The following C1GALT1 variants were observed in gnomAD, a reference collection of about 807,000 sequenced individuals.
C1GALT1 encodes glycoprotein-N-acetylgalactosamine 3-beta-galactosyltransferase 1.
Under a neutral mutation model 31.0 loss-of-function variants are expected in C1GALT1, and 11 were observed. The ratio of observed to expected loss-of-function variants is 0.36; its 90% CI spans 0.22 to 0.59. C1GALT1 has a LOEUF of 0.59. C1GALT1 is among the 20% of genes least tolerant of loss of function. The pLI is 0.79. For missense variants in C1GALT1, 424 were observed against 425.2 expected, an observed-to-expected ratio of 1.00 and a Z score of 0.03; for synonymous variants, 175 against 143.6, an observed-to-expected ratio of 1.22 and a Z score of -1.56.
chr7:7,197,376 G>T (rs1781337891), intron 1 of C1GALT1, among the ~76,000 whole-genome samples: 1 of 152,174 alleles, frequency 6.6e-6, no homozygotes, highest in South Asian at 2.1e-4. Flanking sequence ...ATTACCGAGG[G>T]CTATATTCTG....
In C1GALT1 at chr7:7,238,928, T is replaced by A; in HGVS notation, c.888+6T>A. ...ACTATTATCCTCCTGTAGAGGTAAG[T>A]TTAGAAATTTTATTACTATGTCAAT... On this transcript the variant is annotated splice_donor_region_variant and intron_variant, in intron 3 of 3. Coordinates refer to ENST00000436587, the MANE Select transcript of C1GALT1 (RefSeq NM_020156.5). The surrounding 1 kb of genome is among the most constrained non-coding windows in gnomAD (Gnocchi z 5.2). 6.3e-7 allele frequency: 1 copy of A among 1,587,252 alleles called. No individual in the cohort carries two copies. The highest frequency in any genetic ancestry group is 8.6e-7 in the Non-Finnish European group (1 of 1,166,676).
chr7:7,195,538 A>G (rs980260166), intron 1 of C1GALT1, among the ~76,000 whole-genome samples: 2 of 152,130 alleles, frequency 1.3e-5, no homozygotes, highest in Admixed American at 6.5e-5. Context: ...GTGAGAGAGT[A>G]CTTGCTATAA....
chr7:7,227,589 G>A (rs200967434), intron 1 of C1GALT1, among the ~76,000 whole-genome samples: 2 of 151,384 alleles, frequency 1.3e-5, no homozygotes, highest in African/African-American at 2.4e-5. Flanking sequence ...GCGTAGTGGC[G>A]GGCGCCTGTA....
At chr7:7,221,997 A>G (rs1782531055) in intron 1 of C1GALT1, among the ~76,000 whole-genome samples, 1 of 152,204 alleles carries the variant, frequency 6.6e-6, no homozygotes, top group Non-Finnish European at 1.5e-5. Context: ...GGACTGAGCT[A>G]AAATTACCCT....
intron 1 of C1GALT1, among the ~76,000 whole-genome samples, chr7:7,219,059 G>C (rs1037833966): frequency 2.0e-5 from 3 of 151,910 alleles, no homozygotes; most frequent in African/African-American, 4.8e-5. Context: ...GGATGGTCTC[G>C]ATCTCCTGAC....
intron 1 of C1GALT1, among the ~76,000 whole-genome samples, chr7:7,224,096 A>G (rs1311665360): frequency 6.6e-6 from 1 of 152,202 alleles, no homozygotes; most frequent in Non-Finnish European, 1.5e-5. Flanking sequence ...ACATACTCAG[A>G]ATAAACTCTA....
intron 3 of C1GALT1, among the ~76,000 whole-genome samples, chr7:7,239,517 G>A (rs1398036858): frequency 6.6e-6 from 1 of 152,150 alleles, no homozygotes; most frequent in Non-Finnish European, 1.5e-5. Context: ...AACCTTGGAT[G>A]GACAGGAGCC....
At chr7:7,240,275 A>G (rs926466304) in intron 3 of C1GALT1, among the ~76,000 whole-genome samples, 2 of 152,144 alleles carry the variant, frequency 1.3e-5, no homozygotes, top group African/African-American at 4.8e-5. Flanking sequence ...CCTAAAATGC[A>G]CAGGACAGCC....
chr7:7,182,789 G>A lies in C1GALT1; in HGVS notation c.-49G>A, dbSNP rs978610515. ...AGTCGTCCCCCTCTCCGCCCCCCAGGAGGGGCGAGAGGGAGCCGCAGCTGA... is the reference window on the plus strand; with the variant it reads ...AGTCGTCCCCCTCTCCGCCCCCCAGAAGGGGCGAGAGGGAGCCGCAGCTGA... On this transcript the variant is annotated 5_prime_UTR_variant, in exon 1 of 4. Coordinates refer to ENST00000436587, the MANE Select transcript of C1GALT1 (RefSeq NM_020156.5). 9.1e-6 allele frequency: 9 copies of A among 985,374 alleles called. No homozygotes were observed. Among genetic ancestry groups the A allele is most frequent in the Non-Finnish European group, 1.1e-5 (9 of 830,022 alleles). 61.0% of individuals were successfully genotyped at this position (985,374 alleles called of 1,614,324 possible). A position where few individuals can be genotyped will look rare whatever the true frequency, so the allele number is the denominator to read the frequency against.
At chr7:7,234,186 T>C (rs1351261067) in intron 1 of C1GALT1, 117 bp from the exon 2 acceptor site, 1 of 727,740 alleles carries the variant, frequency 1.4e-6, no homozygotes, top group African/African-American at 1.8e-5. Context: ...TCATAGATAA[T>C]AGCTAAATAC....
In C1GALT1 at chr7:7,229,429, C is replaced by T. The variant is rs77441409; in HGVS notation, c.-17-4874C>T. Among the ~76,000 whole-genome samples the T allele has an allele frequency of 8.3e-3, 1,258 of 152,232 alleles. 19 individuals are homozygous for T. Among genetic ancestry groups the T allele is most frequent in the African/African-American group, 0.029 (1,204 of 41,532 alleles). On this transcript the variant is annotated intron_variant, in intron 1 of 3. Coordinates refer to ENST00000436587, the MANE Select transcript of C1GALT1 (RefSeq NM_020156.5). ...CTCCATAAGAAATTAAGAGTTAAAA[C>T]ATCTTTCATTTACTTCTCTTGGCTT... is the stretch of plus-strand genomic sequence containing the variant.
At position 7,182,652 on chromosome 7, in the gene C1GALT1, C is replaced by A. The variant is rs947980160; in HGVS notation, c.-186C>A. The stretch of plus-strand genomic sequence containing the variant: ...CGCGCGCTGGGCCCGCCTTGGCCGC[C>A]GCCGCTGTGCTGCCGCTGCCGGGGA... On this transcript the variant is annotated 5_prime_UTR_variant, in exon 1 of 4. Coordinates refer to ENST00000436587, the MANE Select transcript of C1GALT1 (RefSeq NM_020156.5). The A allele has an allele frequency of 9.4e-6, 3 of 317,562 alleles. No individual in the cohort carries two copies. The highest frequency in any genetic ancestry group is 1.4e-5 in the Non-Finnish European group (3 of 219,298). 19.7% of individuals were successfully genotyped at this position (317,562 alleles called of 1,614,324 possible). A position where few individuals can be genotyped will look rare whatever the true frequency, so the allele number is the denominator to read the frequency against.
intron 1 of C1GALT1, among the ~76,000 whole-genome samples, chr7:7,221,855 G>A (rs984685277): frequency 1.3e-5 from 2 of 152,140 alleles, no homozygotes; most frequent in Admixed American, 6.6e-5. Flanking sequence ...CCATGCCAGA[G>A]CCTGTTTTGC....
chr7:7,203,055 T>C (rs75259433), intron 1 of C1GALT1, among the ~76,000 whole-genome samples: 5,674 of 151,726 alleles, frequency 0.037, 242 homozygotes, highest in African/African-American at 0.11. Flanking sequence ...GACTTTGTAT[T>C]TGCTTCTTTG....
At chr7:7,194,647 T>A (rs1285725640) in intron 1 of C1GALT1, among the ~76,000 whole-genome samples, 1 of 152,062 alleles carries the variant, frequency 6.6e-6, no homozygotes, top group Non-Finnish European at 1.5e-5. Context: ...TTTTTTGTTA[T>A]ATTATTTACT....
chr7:7,215,264 A>G (rs1412780741), intron 1 of C1GALT1, among the ~76,000 whole-genome samples: 1 of 152,148 alleles, frequency 6.6e-6, no homozygotes, highest in Non-Finnish European at 1.5e-5. Context: ...ACAGAACCAT[A>G]CAGAAAGAGA....
At chr7:7,161,496 G>A (rs185913000) in intron 2 of C1GALT1, among the ~76,000 whole-genome samples, 29 of 152,186 alleles carry the variant, frequency 1.9e-4, no homozygotes, top group Non-Finnish European at 1.0e-4. Flanking sequence ...ATTTTTGTCA[G>A]TCCACTTTTT....
chr7:7,182,712 G>C lies in C1GALT1; in HGVS notation c.-126G>C. 1 of 780,790 alleles carries C rather than the reference G, an allele frequency of 1.3e-6. No individual in the cohort carries two copies. Among genetic ancestry groups the C allele is most frequent in the Non-Finnish European group, 1.6e-6 (1 of 642,936 alleles). The allele number at this position is 780,790 out of a possible 1,614,324, so 48.4% of individuals were successfully genotyped here. ...GCGGCAGCGGGCGGCCTCGGCTAGC[G>C]GCCACGAGCCACTTCTGCGGCTGCC... On this transcript the variant is annotated 5_prime_UTR_variant, in exon 1 of 4. Transcript: ENST00000436587.
chr7:7,202,828 A>G (rs1781577126), intron 1 of C1GALT1, among the ~76,000 whole-genome samples: 1 of 152,196 alleles, frequency 6.6e-6, no homozygotes. Flanking sequence ...TTGACATCTT[A>G]ACAATATTAA....
Sources: gnomAD v4.1 joint callset for allele counts (sites outside exome capture counted in the v4.1 genomes callset) on GRCh38, gnomAD v4.1.1 for gene constraint, Gnocchi (gnomAD v3.1) non-coding constraint, MANE v1.5 for transcripts, NCBI Gene and HGNC (gene_info 2026-07-23, HGNC 2026-07-21) for gene names.